PLA2G2F: variants seen among roughly 807,000 people sequenced by gnomAD.
PLA2G2F encodes phospholipase A2 group IIF.
PLA2G2F carries 17 observed loss-of-function variants against 15.9 expected under a neutral mutation model. That is an observed-to-expected ratio of 1.07 (90% CI 0.73 to 1.60). The LOEUF is 1.60. Among genes scored for constraint, PLA2G2F ranks in the 40% most tolerant of loss-of-function variants. The probability of loss-of-function intolerance (pLI) is 0.00; values close to 1 mark genes in which losing one functional copy is unlikely to be tolerated. For synonymous variants in PLA2G2F, 119 were observed against 106.5 expected (o/e 1.12, Z -0.72); for missense variants, 299 against 278.2 (o/e 1.07, Z -0.53).
At chr1:20,140,956 G>A (rs532571790) in intron 2 of PLA2G2F, 2 of 152,366 alleles carry the variant, frequency 1.3e-5, no homozygotes, top group East Asian at 3.8e-4. Flanking sequence ...CATTGGCTGG[G>A]CCTCTCACTG....
chr1:20,147,100 G>A (rs2100696834), intron 4 of PLA2G2F, among the ~76,000 whole-genome samples: 1 of 152,288 alleles, frequency 6.6e-6, no homozygotes, highest in East Asian at 1.9e-4. Flanking sequence ...GGTATGAAAA[G>A]TTTGCAGACC....
In PLA2G2F at chr1:20,148,180, C is replaced by T; in HGVS notation, c.425-10C>T. On this transcript the variant is annotated splice_polypyrimidine_tract_variant and intron_variant, in intron 4 of 4. Transcript: ENST00000375102. ...TCATCCACAGCCTTTGCCACCCCATCCCCCTGTAGGTGACCTCAACAAGAC... is the reference window on the plus strand; with the variant it reads ...TCATCCACAGCCTTTGCCACCCCATTCCCCTGTAGGTGACCTCAACAAGAC... 6.2e-7 allele frequency: 1 copy of T among 1,612,784 alleles called. No homozygotes were observed. Among genetic ancestry groups the T allele is most frequent in the East Asian group, 2.2e-5 (1 of 44,848 alleles).
intron 2 of PLA2G2F, chr1:20,140,657 C>T (rs1051733544): frequency 1.8e-5 from 3 of 170,566 alleles, no homozygotes; most frequent in Admixed American, 1.7e-4. Context: ...GAGTGCGAGC[C>T]CATTTGTGTC....
Position 20,149,016 on chromosome 1 carries a change from C to G in PLA2G2F, c.*615C>G, listed in dbSNP as rs1417483501. ...TTCAGACCCTAGGGGATGTGCAGTGCTGAGTGTCCCAGCCCTGAAGTCTAG... is the reference window on the plus strand; with the variant it reads ...TTCAGACCCTAGGGGATGTGCAGTGGTGAGTGTCCCAGCCCTGAAGTCTAG... On this transcript the variant is annotated 3_prime_UTR_variant, in exon 5 of 5. Transcript: ENST00000375102. 1.3e-5 allele frequency: 2 copies of G among 154,138 alleles called. No individual in the cohort carries two copies. The highest frequency in any genetic ancestry group is 1.3e-4 in the Admixed American group (2 of 15,658). 9.5% of individuals were successfully genotyped at this position (154,138 alleles called of 1,614,324 possible).
In PLA2G2F at chr1:20,146,433, C is replaced by A. The variant is rs866990562; in HGVS notation, c.424+1744C>A. On this transcript the variant is annotated intron_variant, in intron 4 of 4. Transcript: ENST00000375102. ...TAGCACCTGGCCTGGCGGGTTCCTT[C>A]ATTTACCATGAACTTGCTGTGGCTA... Among the ~76,000 whole-genome samples the A allele has an allele frequency of 3.3e-5, 5 of 152,328 alleles. No individual in the cohort carries two copies. In the South Asian group the frequency reaches 1.0e-3, roughly 32 times the overall value.
intron 4 of PLA2G2F, among the ~76,000 whole-genome samples, chr1:20,146,800 C>A (rs1306877478): frequency 6.6e-6 from 1 of 152,090 alleles, no homozygotes; most frequent in African/African-American, 2.4e-5. Flanking sequence ...AGGGGCTGGC[C>A]TGAGATAGCA....
intron 4 of PLA2G2F, among the ~76,000 whole-genome samples, chr1:20,147,841 G>A (rs1245822673): frequency 6.6e-6 from 1 of 152,192 alleles, no homozygotes; most frequent in Admixed American, 6.5e-5. Flanking sequence ...GAGGCGTGGG[G>A]GGTGCTTTAG....
chr1:20,139,605 C>T (rs910597948), intron 1 of PLA2G2F, 62 bp downstream of exon 1: 1 of 1,252,462 alleles, frequency 8.0e-7, no homozygotes, highest in Non-Finnish European at 1.1e-6. Context: ...GCGTGAGGGA[C>T]TGGCTCCTAG....
chr1:20,143,782 TC>T, intron 3 of PLA2G2F, 192 bp downstream of exon 3: 1 of 677,466 alleles, frequency 1.5e-6, no homozygotes, highest in Non-Finnish European at 2.4e-6. Flanking sequence ...CTTTCTGTTG[TC>T]CATCTCCAAG....
chr1:20,139,447 C>G lies in PLA2G2F; in HGVS notation c.20C>G (p.Ala7Gly). MADGAKANPKGFKKKVL... is the reference protein window; with the variant it reads MADGAKGNPKGFKKKVL... ...CGCAACATGGCAGATGGGGCAAAGG[C>G]CAACCCCAAAGGGTTCAAAAAGAAG... Residue 7 changes from alanine (A) to glycine (G), a missense_variant, in exon 1 of 5, where the codon GCC becomes GGC. Physicochemically the swap from Ala to Gly is moderately conservative, Grantham distance 60 (BLOSUM62 0). Coordinates refer to ENST00000375102, the MANE Select transcript of PLA2G2F (RefSeq NM_022819.4). 6.4e-7 allele frequency: 1 copy of G among 1,566,758 alleles called. No homozygotes were observed. The highest frequency in any genetic ancestry group is 1.2e-5 in the South Asian group (1 of 85,074).
At chr1:20,140,036 G>A in intron 1 of PLA2G2F, 130 bp from the exon 2 acceptor site, 1 of 965,244 alleles carries the variant, frequency 1.0e-6, no homozygotes, top group South Asian at 1.6e-5. Flanking sequence ...ACAGCGCTAG[G>A]AGCAGCAACT....
At position 20,148,378 on chromosome 1, in the gene PLA2G2F, C is replaced by G; in HGVS notation, c.613C>G (p.Pro205Ala). Residue 205 changes from proline to alanine, a missense_variant, in exon 5 of 5, where the codon CCA (proline) becomes GCA (alanine). Pro to Ala is a conservative substitution (Grantham distance 27, BLOSUM62 -1). Transcript: ENST00000375102. The part of the protein sequence containing the change: ...PEEVTCSHQS[P>A]APPAPP The stretch of plus-strand genomic sequence containing the variant: ...GGAGGTCACCTGCAGTCACCAATCC[C>G]CAGCGCCCCCCGCCCCTCCCTAGAG... 6.2e-7 allele frequency: 1 copy of G among 1,612,942 alleles called. No homozygotes were observed. Among genetic ancestry groups the G allele is most frequent in the Non-Finnish European group, 8.5e-7 (1 of 1,179,252 alleles).
In PLA2G2F at chr1:20,148,386, C is replaced by T; in HGVS notation, c.621C>T (p.Pro207=). 6.2e-7 allele frequency: 1 copy of T among 1,611,632 alleles called. No homozygotes were observed. Among genetic ancestry groups the T allele is most frequent in the Non-Finnish European group, 8.5e-7 (1 of 1,178,156 alleles). Residue 207 remains proline (P), a synonymous_variant, in exon 5 of 5, where the codon CCC becomes CCT. Transcript: ENST00000375102. ...EVTCSHQSPA[P]PAPP ...CCTGCAGTCACCAATCCCCAGCGCC[C>T]CCCGCCCCTCCCTAGAGCCTCTGAG...
At position 20,148,642 on chromosome 1, in the gene PLA2G2F, G is replaced by C; in HGVS notation, c.*241G>C. On this transcript the variant is annotated 3_prime_UTR_variant, in exon 5 of 5. Coordinates refer to ENST00000375102, the MANE Select transcript of PLA2G2F (RefSeq NM_022819.4). ...TTCTGGACTGGGTGGGAGGCACGGA[G>C]CTTATAGGGGTCTCTCCTGAGGGTG... 1.7e-6 allele frequency: 1 copy of C among 572,668 alleles called. No individual in the cohort carries two copies. Among genetic ancestry groups the C allele is most frequent in the Non-Finnish European group, 3.1e-6 (1 of 320,230 alleles). 35.5% of individuals were successfully genotyped at this position (572,668 alleles called of 1,614,324 possible). A position where few individuals can be genotyped will look rare whatever the true frequency, so the allele number is the denominator to read the frequency against.
rs745531295 is a variant in PLA2G2F at position 20,139,514 on chromosome 1, C to T, written c.87C>T (p.Phe29=). The change falls in exon 1 of 5, where the codon TTC becomes TTT. Residue 29 remains phenylalanine (F), a synonymous_variant. Transcript: ENST00000375102. ...TCTCTGGGTGGAGGGGCCCACGCTTCGGGGCCTCCTGTCCTTCAAGAACCT... is the reference window on the plus strand; with the variant it reads ...TCTCTGGGTGGAGGGGCCCACGCTTTGGGGCCTCCTGTCCTTCAAGAACCT... The part of the protein sequence containing the change: ...RCFSGWRGPR[F]GASCPSRTSR... 79 of 1,568,106 alleles carry T rather than the reference C, an allele frequency of 5.0e-5. No homozygotes were observed. The highest frequency in any genetic ancestry group is 5.9e-5 in the Non-Finnish European group (68 of 1,156,074).
chr1:20,145,361 A>C (rs553061399), intron 4 of PLA2G2F, among the ~76,000 whole-genome samples: 1 of 151,176 alleles, frequency 6.6e-6, no homozygotes, highest in Admixed American at 6.6e-5. Flanking sequence ...GGCTCACTAC[A>C]ACCTCTGCCT....
At position 20,148,853 on chromosome 1, in the gene PLA2G2F, A is replaced by G. The variant is rs914322620; in HGVS notation, c.*452A>G. ...GAAGGCAGATTGCTGGTCACAAAGC[A>G]TGGGTTCCGGGAGCCCCTCAGCTGA... On this transcript the variant is annotated 3_prime_UTR_variant, in exon 5 of 5. Coordinates refer to ENST00000375102, the MANE Select transcript of PLA2G2F (RefSeq NM_022819.4). 54 of 172,480 alleles carry G rather than the reference A, an allele frequency of 3.1e-4. No homozygotes were observed. Among genetic ancestry groups the G allele is most frequent in the Middle Eastern group, 5.8e-3 (2 of 344 alleles). 10.7% of individuals were successfully genotyped at this position (172,480 alleles called of 1,614,324 possible).
At chr1:20,145,327 GC>G (rs1181477963) in intron 4 of PLA2G2F, among the ~76,000 whole-genome samples, 2 of 150,882 alleles carry the variant, frequency 1.3e-5, no homozygotes, top group African/African-American at 4.9e-5. Flanking sequence ...CTGTCGCAAG[GC>G]TGGAGTGCAG....
intron 1 of PLA2G2F, 76 bp downstream of exon 1, chr1:20,139,619 C>T (rs2017419697): frequency 7.9e-6 from 9 of 1,145,904 alleles, no homozygotes; most frequent in Admixed American, 3.0e-5. Context: ...CTCCTAGAAT[C>T]CCTTTCTCCT....
Sources: gnomAD v4.1 joint callset for allele counts (sites outside exome capture counted in the v4.1 genomes callset) on GRCh38, gnomAD v4.1.1 for gene constraint, MANE v1.5 for transcripts, NCBI Gene and HGNC (gene_info 2026-07-23, HGNC 2026-07-21) for gene names.